Variants in XPO4 observed in about 807,000 individuals in gnomAD.
XPO4 encodes exportin-4.
A neutral mutation model predicts 143.0 loss-of-function variants in XPO4; 39 were observed. That is an observed-to-expected ratio of 0.27 (90% CI 0.21 to 0.36). The LOEUF (loss-of-function observed/expected upper bound fraction) is 0.36, where lower values mean the gene tolerates loss of function less well. Ranked by LOEUF, XPO4 falls within the 10% of genes least tolerant of loss-of-function variation. The probability of loss-of-function intolerance (pLI) is 1.00; values close to 1 mark genes in which losing one functional copy is unlikely to be tolerated. For synonymous variants in XPO4, 439 were observed against 474.0 expected (o/e 0.93, Z 0.96); for missense variants, 907 against 1,348.0 (o/e 0.67, Z 5.12).
chr13:20,824,764 G>A (rs1001304550), intron 7 of XPO4, among the ~76,000 whole-genome samples: 5 of 152,140 alleles, frequency 3.3e-5, no homozygotes, highest in African/African-American at 1.2e-4. Flanking sequence ...CCAGCAGGAC[G>A]CCCAGTGAGA....
chr13:20,861,747 A>G (rs1595140530), intron 3 of XPO4, among the ~76,000 whole-genome samples: 1 of 148,678 alleles, frequency 6.7e-6, no homozygotes, highest in East Asian at 2.0e-4. Context: ...AGATTTTGGA[A>G]CTTCTTAATA....
At chr13:20,895,499 G>A (rs1353093826) in intron 1 of XPO4, among the ~76,000 whole-genome samples, 1 of 151,934 alleles carries the variant, frequency 6.6e-6, no homozygotes, top group Non-Finnish European at 1.5e-5. Flanking sequence ...GGGTGTGGTG[G>A]TGCATGCCTG....
intron 19 of XPO4, among the ~76,000 whole-genome samples, chr13:20,789,048 G>C (rs994503732): frequency 1.3e-5 from 2 of 152,124 alleles, no homozygotes; most frequent in African/African-American, 2.4e-5. Flanking sequence ...CAGAGTATTC[G>C]GTCTTTACAC....
At position 20,796,829 on chromosome 13, in the gene XPO4, T is replaced by C; in HGVS notation, c.2551A>G (p.Thr851Ala). Residue 851 changes from threonine to alanine, a missense_variant, in exon 17 of 23, where the codon ACT (threonine) becomes GCT (alanine). Thr to Ala is a moderately conservative substitution (Grantham distance 58). Coordinates refer to ENST00000255305, the MANE Select transcript of XPO4 (RefSeq NM_022459.5). ...LMEVYKNTPE[T>A]VNLIIEVFVE... ...AAAACTTCTATAATGAGATTGACAGTCTCTGGGGTATTCTTGTAAACTTCC... is the reference window on the plus strand; with the variant it reads ...AAAACTTCTATAATGAGATTGACAGCCTCTGGGGTATTCTTGTAAACTTCC... The C allele has an allele frequency of 1.2e-6, 2 of 1,614,060 alleles. No homozygotes were observed. Among genetic ancestry groups the C allele is most frequent in the Non-Finnish European group, 1.7e-6 (2 of 1,179,970 alleles).
intron 1 of XPO4, 40 bp downstream of exon 1, chr13:20,902,630 G>A (rs762170665): frequency 8.5e-6 from 13 of 1,521,214 alleles, no homozygotes; most frequent in African/African-American, 1.4e-5. Context: ...CCGACCGGGG[G>A]CCCGCGAATC....
At chr13:20,844,289 C>A (rs2060008401) in intron 4 of XPO4, among the ~76,000 whole-genome samples, 1 of 152,188 alleles carries the variant, frequency 6.6e-6, no homozygotes, top group Non-Finnish European at 1.5e-5. Context: ...CTAAGGCCAG[C>A]TGAGATTTCA....
intron 6 of XPO4, among the ~76,000 whole-genome samples, chr13:20,836,452 T>C (rs958416813): frequency 6.6e-6 from 1 of 152,182 alleles, no homozygotes; most frequent in African/African-American, 2.4e-5. Context: ...CTTTTGCTTC[T>C]TCCTGCTTTT....
intron 3 of XPO4, chr13:20,857,867 T>C (rs2060160019): frequency 2.0e-6 from 2 of 985,318 alleles, no homozygotes; most frequent in African/African-American, 1.7e-5. Context: ...ATAAAGGACA[T>C]TGTGCATTTC....
chr13:20,831,735 A>C (rs930633081), intron 6 of XPO4, among the ~76,000 whole-genome samples: 1 of 151,444 alleles, frequency 6.6e-6, no homozygotes, highest in Non-Finnish European at 1.5e-5. Context: ...TATCATACAC[A>C]TCTAATCTTA....
intron 6 of XPO4, among the ~76,000 whole-genome samples, chr13:20,829,554 T>A (rs1046623116): frequency 8.5e-5 from 13 of 152,154 alleles, no homozygotes; most frequent in Non-Finnish European, 1.6e-4. Context: ...GGCAAATACT[T>A]CAGGTGCTAT....
chr13:20,867,528 T>A (rs1467433520), intron 2 of XPO4, among the ~76,000 whole-genome samples: 1 of 152,198 alleles, frequency 6.6e-6, no homozygotes, highest in Admixed American at 6.5e-5. Flanking sequence ...ATAAGGCAGA[T>A]GAAAAAGAGG....
At chr13:20,793,623 G>C (rs934429886) in intron 18 of XPO4, among the ~76,000 whole-genome samples, 1 of 152,036 alleles carries the variant, frequency 6.6e-6, no homozygotes, top group Non-Finnish European at 1.5e-5. Flanking sequence ...GCACAATCTC[G>C]GCTCACTGCA....
chr13:20,856,903 G>A (rs939170313), intron 3 of XPO4: 2 of 985,224 alleles, frequency 2.0e-6, no homozygotes, highest in African/African-American at 3.5e-5. Context: ...CACATGACAG[G>A]ACATATCTGT....
At position 20,806,798 on chromosome 13, in the gene XPO4, G is replaced by A. The variant is rs768406105; in HGVS notation, c.1817+659C>T. On this transcript the variant is annotated intron_variant, in intron 13 of 22. Transcript: ENST00000255305. Reference sequence around the variant, plus strand: ...AATCTCTTGACCTCATGATCTGCCCGCCTCGGTCTCCCAAAGTGCTGGGAT... The same window carrying A: ...AATCTCTTGACCTCATGATCTGCCCACCTCGGTCTCCCAAAGTGCTGGGAT... Among the ~76,000 whole-genome samples, 86 of 151,896 alleles carry A rather than the reference G, an allele frequency of 5.7e-4. 1 individual carries two copies. The highest frequency in any genetic ancestry group is 1.7e-3 in the South Asian group (8 of 4,806).
At chr13:20,895,461 G>A (rs2060559171) in intron 1 of XPO4, among the ~76,000 whole-genome samples, 3 of 151,906 alleles carry the variant, frequency 2.0e-5, no homozygotes, top group Admixed American at 2.0e-4. Flanking sequence ...GTGAAACCCT[G>A]TCCCTACTAC....
At chr13:20,822,962 AC>A (rs2059739166) in intron 7 of XPO4, among the ~76,000 whole-genome samples, 1 of 152,178 alleles carries the variant, frequency 6.6e-6, no homozygotes, top group African/African-American at 2.4e-5. Flanking sequence ...GACATGAAAC[AC>A]CTGGTAGAGT....
chr13:20,832,669 T>C (rs2059867079), intron 6 of XPO4, among the ~76,000 whole-genome samples: 1 of 152,190 alleles, frequency 6.6e-6, no homozygotes, highest in Admixed American at 6.6e-5. Flanking sequence ...CATTATTAAA[T>C]TTTCTAACAA....
intron 11 of XPO4, 35 bp downstream of exon 11, chr13:20,809,048 A>AT: frequency 2.5e-6 from 4 of 1,599,932 alleles, no homozygotes; most frequent in Non-Finnish European, 3.4e-6. Flanking sequence ...AATAGAGAAT[A>AT]TTTGCTCCAT....
chr13:20,841,406 C>A (rs2059972393), intron 6 of XPO4, among the ~76,000 whole-genome samples: 1 of 151,994 alleles, frequency 6.6e-6, no homozygotes, highest in Non-Finnish European at 1.5e-5. Flanking sequence ...TATTGAAACA[C>A]TGAAAGGGGA....
Sources: gnomAD v4.1 joint callset for allele counts (sites outside exome capture counted in the v4.1 genomes callset) on GRCh38, gnomAD v4.1.1 for gene constraint, MANE v1.5 for transcripts, NCBI Gene and HGNC (gene_info 2026-07-23, HGNC 2026-07-21) for gene names.